Variants in DMRTA1 observed in about 807,000 individuals in gnomAD.
DMRTA1 encodes doublesex- and mab-3-related transcription factor A1.
A neutral mutation model predicts 35.2 loss-of-function variants in DMRTA1; 34 were observed. That is an observed-to-expected ratio of 0.97 (90% CI 0.74 to 1.29). The LOEUF (loss-of-function observed/expected upper bound fraction) is 1.29. Among genes scored for constraint, DMRTA1 ranks in the 50% most tolerant of loss-of-function variants. DMRTA1 has a pLI of 0.00. For missense variants in DMRTA1, 824 were observed against 644.6 expected, an observed-to-expected ratio of 1.28 and a Z score of -3.01; for synonymous variants, 344 against 276.6, an observed-to-expected ratio of 1.24 and a Z score of -2.42.
Position 22,447,629 on chromosome 9 carries a change from T to A in DMRTA1, c.564T>A (p.Pro188=). ...AGAATCCACAGTCCACGGGCGGCCC[T>A]GCGGCGGGGGCTGCGCTGGGACTGG... ...RAENPQSTGG[P]AAGAALGLGA... is the part of the protein sequence containing the mutation. Residue 188 remains proline (P), a synonymous_variant, in exon 1 of 2, where the codon CCT becomes CCA. Transcript: ENST00000325870. The A allele has an allele frequency of 6.2e-7, 1 of 1,610,930 alleles. No homozygotes were observed. Among genetic ancestry groups the A allele is most frequent in the Non-Finnish European group, 8.5e-7 (1 of 1,179,502 alleles).
Position 22,453,296 on chromosome 9 carries a change from T to G in DMRTA1, c.*1385T>G, listed in dbSNP as rs912041204. 5 of 152,148 alleles carry G rather than the reference T, an allele frequency of 3.3e-5. No homozygotes were observed. The highest frequency in any genetic ancestry group is 6.5e-5 in the Admixed American group (1 of 15,268). The allele number at this position is 152,148 out of a possible 1,614,324, so 9.4% of individuals were successfully genotyped here. ...ATACGTATGTGTGTATGCATCTATA[T>G]GCACATATATAAGTCTATGTAGACA... On this transcript the variant is annotated 3_prime_UTR_variant, in exon 2 of 2. Transcript: ENST00000325870.
In DMRTA1 at chr9:22,454,463, A is replaced by G. The variant is rs1391581529; in HGVS notation, c.*2552A>G. ...CCATGCACTGTGTTAGACACAAGAG[A>G]TAAAGAAATGATTAAGATACAAGAC... On this transcript the variant is annotated 3_prime_UTR_variant, in exon 2 of 2. Coordinates refer to ENST00000325870, the MANE Select transcript of DMRTA1 (RefSeq NM_022160.3). 6.6e-6 allele frequency: 1 copy of G among 152,204 alleles called. No individual in the cohort carries two copies. Among genetic ancestry groups the G allele is most frequent in the Non-Finnish European group, 1.5e-5 (1 of 68,008 alleles). 9.4% of individuals were successfully genotyped at this position (152,204 alleles called of 1,614,324 possible).
chr9:22,450,608 A>G (rs558838974), intron 1 of DMRTA1, among the ~76,000 whole-genome samples: 2 of 152,276 alleles, frequency 1.3e-5, no homozygotes, highest in East Asian at 3.9e-4. Context: ...TCAAACTAAG[A>G]TTATTCCTTT....
rs1479381588 is a variant in DMRTA1 at position 22,453,220 on chromosome 9, T to TAC, written c.*1310_*1311insCA. 2 of 152,104 alleles carry TAC rather than the reference T, an allele frequency of 1.3e-5. No individual in the cohort carries two copies. Among genetic ancestry groups the TAC allele is most frequent in the Non-Finnish European group, 1.5e-5 (1 of 67,944 alleles). 9.4% of individuals were successfully genotyped at this position (152,104 alleles called of 1,614,324 possible). A position where few individuals can be genotyped will look rare whatever the true frequency, so the allele number is the denominator to read the frequency against. On this transcript the variant is annotated 3_prime_UTR_variant, in exon 2 of 2. Transcript: ENST00000325870. ...GATAGTTGATGAATTAGAGATTGTT[T>TAC]AAACTATTTAAGCAGCATGACTCAC...
rs1818916929 is a variant in DMRTA1, at chr9:22,451,073, A to G, written c.677A>G (p.Glu226Gly). 3.7e-6 allele frequency: 6 copies of G among 1,609,954 alleles called. No homozygotes were observed. In the East Asian group the frequency reaches 1.3e-4, roughly 36 times the overall value. Residue 226 changes from glutamate (E) to glycine (G), a missense_variant, in exon 2 of 2, where the codon GAG (glutamate) becomes GGG (glycine). Transcript: ENST00000325870. Reference protein sequence around the residue: ...DYPEEKQEQKESKCESCQNGQ... With the variant: ...DYPEEKQEQKGSKCESCQNGQ... ...TCCCCCTCTTCTCCAGAACAAAAAG[A>G]GAGTAAATGTGAGTCATGCCAGAAT...
Position 22,451,766 on chromosome 9 carries a change from C to T in DMRTA1, c.1370C>T (p.Thr457Ile), listed in dbSNP as rs1490803470. ...GLSGFMSPYL[T>I]PGLVPTLPFR... is the part of the protein sequence containing the mutation. ...TCTGGTTTTATGTCACCCTACCTAA[C>T]ACCTGGGTTAGTACCAACCTTACCT... Residue 457 changes from threonine (T) to isoleucine (I), a missense_variant, in exon 2 of 2, where the codon ACA becomes ATA. Thr to Ile is a moderately conservative substitution (Grantham distance 89). Coordinates refer to ENST00000325870, the MANE Select transcript of DMRTA1 (RefSeq NM_022160.3). 1 of 1,614,002 alleles carries T rather than the reference C, an allele frequency of 6.2e-7. No homozygotes were observed. Among genetic ancestry groups the T allele is most frequent in the African/African-American group, 1.3e-5 (1 of 74,936 alleles).
In DMRTA1 at chr9:22,447,074, G is replaced by A; in HGVS notation, c.9G>A (p.Arg3=). The part of the protein sequence containing the change: ME[R]SQCGSRDRGV... The stretch of plus-strand genomic sequence containing the variant: ...CCAGAAATTTCTCGGGAATGGAGCG[G>A]TCACAGTGTGGCAGCAGAGACCGAG... The change falls in exon 1 of 2, where the codon CGG becomes CGA. Residue 3 remains arginine (R), a synonymous_variant. Coordinates refer to ENST00000325870, the MANE Select transcript of DMRTA1 (RefSeq NM_022160.3). 6.2e-7 allele frequency: 1 copy of A among 1,608,980 alleles called. No individual in the cohort carries two copies. The highest frequency in any genetic ancestry group is 1.3e-5 in the African/African-American group (1 of 74,632).
intron 1 of DMRTA1, among the ~76,000 whole-genome samples, chr9:22,448,747 A>G (rs1293489615): frequency 2.6e-5 from 4 of 152,226 alleles, no homozygotes; most frequent in Non-Finnish European, 5.9e-5. Flanking sequence ...TTTTCGCTCA[A>G]TGGCTGCTTG....
Position 22,447,389 on chromosome 9 carries a change from G to C in DMRTA1, c.324G>C (p.Ala108=), listed in dbSNP as rs753360659. Residue 108 remains alanine, a synonymous_variant, in exon 1 of 2, where the codon GCG becomes GCC. Coordinates refer to ENST00000325870, the MANE Select transcript of DMRTA1 (RefSeq NM_022160.3). The part of the protein sequence containing the change: ...ARCRNHGVVS[A]LKGHKRFCRW... Reference sequence around the variant, plus strand: ...GTCGTAACCATGGTGTGGTGTCAGCGCTCAAGGGCCACAAGCGCTTCTGCC... The same window carrying C: ...GTCGTAACCATGGTGTGGTGTCAGCCCTCAAGGGCCACAAGCGCTTCTGCC... 1 of 1,552,898 alleles carries C rather than the reference G, an allele frequency of 6.4e-7. No homozygotes were observed. Among genetic ancestry groups the C allele is most frequent in the Non-Finnish European group, 8.7e-7 (1 of 1,151,560 alleles).
In DMRTA1 at chr9:22,447,538, G is replaced by A. The variant is rs1317070388; in HGVS notation, c.473G>A (p.Arg158Lys). The A allele has an allele frequency of 1.9e-6, 3 of 1,585,296 alleles. No homozygotes were observed. Among genetic ancestry groups the A allele is most frequent in the South Asian group, 2.3e-5 (2 of 88,576 alleles). ...QEESEARGLQ[R>K]LLCSGLSWPP... ...GAGAGCGAAGCCCGGGGGCTACAGA[G>A]GCTCCTGTGCTCGGGGCTCTCCTGG... is the stretch of plus-strand genomic sequence containing the variant. Residue 158 changes from arginine (R) to lysine (K), a missense_variant, in exon 1 of 2, where the codon AGG becomes AAG. Transcript: ENST00000325870.
chr9:22,448,056 G>C (rs1818867524), intron 1 of DMRTA1, among the ~76,000 whole-genome samples: 1 of 152,192 alleles, frequency 6.6e-6, no homozygotes, highest in South Asian at 2.1e-4. Context: ...TGTGTGAGTA[G>C]AACTTCAAGC....
chr9:22,452,085 ACT>A lies in DMRTA1; in HGVS notation c.*177_*178del. On this transcript the variant is annotated 3_prime_UTR_variant, in exon 2 of 2. Transcript: ENST00000325870. ...AATATAATAGGTCTTAGATCTGAAA[ACT>A]CTTCATTAGGATTTATCAAGTGAAA... 1.6e-6 allele frequency: 1 copy of A among 617,920 alleles called. No homozygotes were observed. Among genetic ancestry groups the A allele is most frequent in the Non-Finnish European group, 2.5e-6 (1 of 394,258 alleles). 38.3% of individuals were successfully genotyped at this position (617,920 alleles called of 1,614,324 possible). A position where few individuals can be genotyped will look rare whatever the true frequency, so the allele number is the denominator to read the frequency against.
At chr9:22,450,976 A>G in intron 1 of DMRTA1, 88 bp from the exon 2 acceptor site, 3 of 1,324,886 alleles carry the variant, frequency 2.3e-6, no homozygotes, top group Non-Finnish European at 3.1e-6. Flanking sequence ...TGAATTAATT[A>G]TATTATCCAG....
chr9:22,449,146 G>A (rs756695142), intron 1 of DMRTA1, among the ~76,000 whole-genome samples: 2 of 152,118 alleles, frequency 1.3e-5, no homozygotes, highest in African/African-American at 2.4e-5. Context: ...TGTTTGAAAG[G>A]TTACTTCAAT....
At position 22,452,059 on chromosome 9, in the gene DMRTA1, C is replaced by A; in HGVS notation, c.*148C>A. ...AATGCTGGGTTTTTTTTTTTTCAAGCAATATAATAGGTCTTAGATCTGAAA... is the reference window on the plus strand; with the variant it reads ...AATGCTGGGTTTTTTTTTTTTCAAGAAATATAATAGGTCTTAGATCTGAAA... On this transcript the variant is annotated 3_prime_UTR_variant, in exon 2 of 2. Transcript: ENST00000325870. 2.1e-5 allele frequency: 18 copies of A among 865,924 alleles called. No homozygotes were observed. The highest frequency in any genetic ancestry group is 2.8e-5 in the East Asian group (1 of 35,684). The allele number at this position is 865,924 out of a possible 1,614,324, so 53.6% of individuals were successfully genotyped here.
chr9:22,453,600 A>G lies in DMRTA1; in HGVS notation c.*1689A>G, dbSNP rs1315461367. On this transcript the variant is annotated 3_prime_UTR_variant, in exon 2 of 2. Coordinates refer to ENST00000325870, the MANE Select transcript of DMRTA1 (RefSeq NM_022160.3). The stretch of plus-strand genomic sequence containing the variant: ...CTAAACCGTAGTACAATGTCTAGCA[A>G]GTAGTTGAAATTCAATTCATATATA... 6.6e-6 allele frequency: 1 copy of G among 152,140 alleles called. No homozygotes were observed. The highest frequency in any genetic ancestry group is 1.9e-4 in the East Asian group (1 of 5,206). The allele number at this position is 152,140 out of a possible 1,614,324, so 9.4% of individuals were successfully genotyped here.
At position 22,455,143 on chromosome 9, in the gene DMRTA1, G is replaced by A. The variant is rs2117971980; in HGVS notation, c.*3232G>A. On this transcript the variant is annotated 3_prime_UTR_variant, in exon 2 of 2. Coordinates refer to ENST00000325870, the MANE Select transcript of DMRTA1 (RefSeq NM_022160.3). ...TAGAACGCAGTGCGTGACTTACAAGGGAATAAAACTGACAGAGGTTAGTGT... is the reference window on the plus strand; with the variant it reads ...TAGAACGCAGTGCGTGACTTACAAGAGAATAAAACTGACAGAGGTTAGTGT... The A allele has an allele frequency of 6.6e-6, 1 of 152,220 alleles. No individual in the cohort carries two copies. Among genetic ancestry groups the A allele is most frequent in the African/African-American group, 2.4e-5 (1 of 41,536 alleles). The allele number at this position is 152,220 out of a possible 1,614,324, so 9.4% of individuals were successfully genotyped here.
At chr9:22,448,149 C>G (rs1818868915) in intron 1 of DMRTA1, among the ~76,000 whole-genome samples, 1 of 152,172 alleles carries the variant, frequency 6.6e-6, no homozygotes, top group Non-Finnish European at 1.5e-5. Flanking sequence ...CACTCTGTTG[C>G]CCAGGCTGGA....
chr9:22,453,633 A>G lies in DMRTA1; in HGVS notation c.*1722A>G, dbSNP rs1818963909. The G allele has an allele frequency of 6.6e-6, 1 of 152,108 alleles. No homozygotes were observed. The highest frequency in any genetic ancestry group is 1.5e-5 in the Non-Finnish European group (1 of 67,960). The allele number at this position is 152,108 out of a possible 1,614,324, so 9.4% of individuals were successfully genotyped here. ...AAATTCAATTCATATATACTGAGTA[A>G]GAAACTCTTATATATAATAGATCTC... On this transcript the variant is annotated 3_prime_UTR_variant, in exon 2 of 2. Coordinates refer to ENST00000325870, the MANE Select transcript of DMRTA1 (RefSeq NM_022160.3).
Sources: allele counts gnomAD v4.1 joint callset (sites outside exome capture counted in the v4.1 genomes callset), GRCh38; gene constraint gnomAD v4.1.1; transcripts MANE v1.5; gene names NCBI Gene and HGNC (gene_info 2026-07-23, HGNC 2026-07-21).